The following HACL1 variants were observed in gnomAD, a reference collection of about 807,000 sequenced individuals.
The protein encoded by HACL1 is 2-hydroxyacyl-CoA lyase 1.
A neutral mutation model predicts 74.2 loss-of-function variants in HACL1; 64 were observed. The ratio of observed to expected loss-of-function variants is 0.86; its 90% CI spans 0.70 to 1.06. The LOEUF (loss-of-function observed/expected upper bound fraction) is 1.06. HACL1 is among the 50% of genes least tolerant of loss of function. The probability of loss-of-function intolerance (pLI) is 0.00; values close to 1 mark genes in which losing one functional copy is unlikely to be tolerated. For synonymous variants in HACL1, 230 were observed against 238.8 expected (o/e 0.96, Z 0.34); for missense variants, 728 against 719.7 (o/e 1.01, Z -0.13).
At chr3:15,596,679 T>A (rs760005630) in intron 2 of HACL1, among the ~76,000 whole-genome samples, 2 of 152,242 alleles carry the variant, frequency 1.3e-5, no homozygotes, top group African/African-American at 4.8e-5. Context: ...GCAGGATCAA[T>A]AGGAATGTCC....
At chr3:15,575,784 G>A (rs1574919942) in intron 9 of HACL1, among the ~76,000 whole-genome samples, 1 of 151,838 alleles carries the variant, frequency 6.6e-6, no homozygotes, top group African/African-American at 2.4e-5. Context: ...CAAGTGATTC[G>A]CCCACCTTGG....
intron 9 of HACL1, among the ~76,000 whole-genome samples, chr3:15,577,367 GAAAATAT>G (rs2063645318): frequency 6.6e-6 from 1 of 151,194 alleles, no homozygotes; most frequent in Non-Finnish European, 1.5e-5. Flanking sequence ...ACCCATGAAT[GAAAATAT>G]GAAGAACACC....
At chr3:15,584,775 T>C (rs1398900571) in intron 7 of HACL1, among the ~76,000 whole-genome samples, 1 of 152,240 alleles carries the variant, frequency 6.6e-6, no homozygotes, top group Non-Finnish European at 1.5e-5. Flanking sequence ...ATGCTTTTTG[T>C]ACTTCTTTTC....
At chr3:15,599,420 C>A (rs1389001697) in intron 2 of HACL1, among the ~76,000 whole-genome samples, 1 of 152,160 alleles carries the variant, frequency 6.6e-6, no homozygotes, top group Non-Finnish European at 1.5e-5. Context: ...GCATGTACAA[C>A]CATGCCTCGC....
chr3:15,574,158 A>G (rs2063582439), intron 10 of HACL1, among the ~76,000 whole-genome samples: 2 of 152,198 alleles, frequency 1.3e-5, no homozygotes, highest in South Asian at 4.1e-4. Context: ...TGAGGCCAGG[A>G]GAATTGCTGA....
At chr3:15,580,164 A>C in intron 8 of HACL1, 119 bp from the exon 9 acceptor site, 2 of 786,234 alleles carry the variant, frequency 2.5e-6, no homozygotes, top group Non-Finnish European at 4.2e-6. Flanking sequence ...GACTCACTCT[A>C]TCACCCAGGC....
At chr3:15,596,292 T>C in intron 3 of HACL1, 92 bp downstream of exon 3, 1 of 721,012 alleles carries the variant, frequency 1.4e-6, no homozygotes, top group Non-Finnish European at 2.5e-6. Context: ...TTTTCTATAA[T>C]CTTTCCAAAT....
intron 12 of HACL1, among the ~76,000 whole-genome samples, chr3:15,570,928 A>T (rs1326592277): frequency 2.0e-5 from 3 of 151,652 alleles, no homozygotes; most frequent in Non-Finnish European, 4.4e-5. Flanking sequence ...GCAGAAAAAC[A>T]TCTCAACCCA....
chr3:15,579,913 G>C lies in HACL1; in HGVS notation c.800C>G (p.Ser267Cys). 6.3e-7 allele frequency: 1 copy of C among 1,583,516 alleles called. No individual in the cohort carries two copies. Among genetic ancestry groups the C allele is most frequent in the Non-Finnish European group, 8.6e-7 (1 of 1,166,392 alleles). Residue 267 changes from serine to cysteine, a missense_variant, in exon 9 of 17, where the codon TCC (serine) becomes TGC (cysteine). By Grantham distance (112) the Ser-to-Cys change is moderately radical (BLOSUM62 -1). Transcript: ENST00000321169. Reference sequence around the variant, plus strand: ...TAAAATCTGGAATGCCACACACCTGGATCTGGCTGCACCTACACAGTATGG... The same window carrying C: ...TAAAATCTGGAATGCCACACACCTGCATCTGGCTGCACCTACACAGTATGG... ...NHPYCVGAARSRALQFADVIV... is the reference protein window; with the variant it reads ...NHPYCVGAARCRALQFADVIV...
rs1473909922 is a variant in HACL1, at chr3:15,591,668, G to C, written c.240C>G (p.Cys80Trp). ...TGAGACCTGGGCCAGAAACAACAAG[G>C]CAGACTCCTGGCCTAAAAGCAAAAC... ...IGYLTSRPGV[C>W]LVVSGPGLIH... is the part of the protein sequence containing the mutation. Residue 80 changes from cysteine to tryptophan, a missense_variant, in exon 4 of 17, where the codon TGC (cysteine) becomes TGG (tryptophan). Coordinates refer to ENST00000321169, the MANE Select transcript of HACL1 (RefSeq NM_012260.4). 3 of 1,610,080 alleles carry C rather than the reference G, an allele frequency of 1.9e-6. No individual in the cohort carries two copies. The highest frequency in any genetic ancestry group is 3.3e-5 in the Admixed American group (2 of 59,910).
rs2063686051 is a variant in HACL1, at chr3:15,579,472, C to CA, written c.803+437dup. On this transcript the variant is annotated intron_variant, in intron 9 of 16. Coordinates refer to ENST00000321169, the MANE Select transcript of HACL1 (RefSeq NM_012260.4). ...AACAGATAGATACTCGGGGACATGT[C>CA]AGACAGTATCAAAATGGATGAAGGT... Among the ~76,000 whole-genome samples the CA allele has an allele frequency of 3.3e-5, 5 of 152,118 alleles. No homozygotes were observed. The South Asian group carries it at 1.0e-3, about 32-fold the overall frequency.
intron 2 of HACL1, among the ~76,000 whole-genome samples, chr3:15,598,529 C>T (rs535830424): frequency 1.3e-5 from 2 of 152,298 alleles, no homozygotes; most frequent in South Asian, 4.1e-4. Flanking sequence ...TAATTCAAAG[C>T]ACTGCTGTGA....
chr3:15,582,559 T>G (rs2063731895), intron 8 of HACL1, among the ~76,000 whole-genome samples: 1 of 152,144 alleles, frequency 6.6e-6, no homozygotes, highest in Non-Finnish European at 1.5e-5. Context: ...GGAATAGAAA[T>G]GTACTAAATA....
chr3:15,589,370 A>T (rs957645375), intron 5 of HACL1, among the ~76,000 whole-genome samples, 170 bp downstream of exon 5: 1 of 151,900 alleles, frequency 6.6e-6, no homozygotes, highest in Non-Finnish European at 1.5e-5. Context: ...GGTGGTGTGA[A>T]CCTGTAGTCC....
chr3:15,583,643 T>C (rs1254656256), intron 7 of HACL1, among the ~76,000 whole-genome samples: 1 of 151,760 alleles, frequency 6.6e-6, no homozygotes, highest in Non-Finnish European at 1.5e-5. Flanking sequence ...TTTCTCTTTT[T>C]TTTTTTTCTT....
At chr3:15,586,813 C>G (rs2063802999) in intron 5 of HACL1, among the ~76,000 whole-genome samples, 1 of 152,104 alleles carries the variant, frequency 6.6e-6, no homozygotes, top group Non-Finnish European at 1.5e-5. Context: ...GATGCAAAAT[C>G]TTTTGGCAAA....
intron 7 of HACL1, 82 bp from the exon 8 acceptor site, chr3:15,583,071 G>C: frequency 1.5e-6 from 1 of 666,960 alleles, no homozygotes; most frequent in East Asian, 2.8e-5. Flanking sequence ...TAGAAAGGTA[G>C]AAAAAATAGT....
chr3:15,570,631 C>T (rs183522810), intron 12 of HACL1, among the ~76,000 whole-genome samples: 1 of 138,784 alleles, frequency 7.2e-6, no homozygotes, highest in Non-Finnish European at 1.7e-5. Flanking sequence ...AATACACACA[C>T]ATGCACACAC....
intron 9 of HACL1, among the ~76,000 whole-genome samples, chr3:15,578,596 C>A (rs2063666481): frequency 6.6e-6 from 1 of 152,290 alleles, no homozygotes; most frequent in African/African-American, 2.4e-5. Flanking sequence ...AGGGCCACTG[C>A]AAGCTGGAGA....
Sources: allele counts gnomAD v4.1 joint callset (sites outside exome capture counted in the v4.1 genomes callset), GRCh38; gene constraint gnomAD v4.1.1; transcripts MANE v1.5; gene names NCBI Gene and HGNC (gene_info 2026-07-23, HGNC 2026-07-21).